RP1: variants seen among roughly 807,000 people sequenced by gnomAD.
The protein encoded by RP1 is oxygen-regulated protein 1.
Under a neutral mutation model 14.8 loss-of-function variants are expected in RP1, and 16 were observed. That is an observed-to-expected ratio of 1.08 (90% CI 0.73 to 1.65). The LOEUF is 1.65. RP1 is among the 40% of genes most tolerant of loss of function. The pLI is 0.00. For synonymous variants in RP1, 876 were observed against 883.6 expected, an observed-to-expected ratio of 0.99 and a Z score of 0.15; for missense variants, 2,631 against 2,535.0, an observed-to-expected ratio of 1.04 and a Z score of -0.81.
At chr8:54,786,049 AT>A (rs1432595039) in intron 24 of RP1, among the ~76,000 whole-genome samples, 1 of 152,110 alleles carries the variant, frequency 6.6e-6, no homozygotes, top group Non-Finnish European at 1.5e-5. Context: ...AAATAAAAAA[AT>A]ATGTTTTACA....
chr8:54,661,141 A>G (rs1257657558), intron 6 of RP1, among the ~76,000 whole-genome samples: 3 of 148,672 alleles, frequency 2.0e-5, no homozygotes, highest in African/African-American at 2.4e-5. Context: ...CCCCATCTCT[A>G]TTAAAAAATA....
chr8:54,724,682 T>G (rs1008633284), intron 16 of RP1, among the ~76,000 whole-genome samples: 1 of 152,186 alleles, frequency 6.6e-6, no homozygotes, highest in Non-Finnish European at 1.5e-5. Flanking sequence ...CTTTTGAACA[T>G]CTTTCTGTAA....
intron 28 of RP1, among the ~76,000 whole-genome samples, chr8:54,868,549 C>T (rs1812511315): frequency 6.6e-6 from 1 of 152,130 alleles, no homozygotes; most frequent in African/African-American, 2.4e-5. Context: ...ACACCTCAGA[C>T]CCATTAGTCA....
intron 16 of RP1, among the ~76,000 whole-genome samples, chr8:54,725,904 T>C (rs780542006): frequency 7.9e-5 from 12 of 152,214 alleles, no homozygotes; most frequent in Non-Finnish European, 1.6e-4. Flanking sequence ...AAGTAGCTAA[T>C]GTTTTCCATT....
intron 11 of RP1, chr8:54,679,673 C>A: frequency 1.3e-6 from 2 of 1,530,570 alleles, no homozygotes; most frequent in South Asian, 2.4e-5. Context: ...AAACAATGTT[C>A]AAATGACTAT....
At chr8:54,570,624 G>A (rs954709196) in intron 1 of RP1, among the ~76,000 whole-genome samples, 1 of 144,312 alleles carries the variant, frequency 6.9e-6, no homozygotes. Flanking sequence ...CACCGCACCA[G>A]ACCTAGGTAA....
chr8:54,870,978 C>T (rs1221290991), exon 29 of RP1: 1 of 151,966 alleles, frequency 6.6e-6, no homozygotes. Flanking sequence ...TTTTAGTATC[C>T]CATGAAATCA....
chr8:54,846,390 A>G (rs1660389069), intron 25 of RP1, among the ~76,000 whole-genome samples: 1 of 152,200 alleles, frequency 6.6e-6, no homozygotes, highest in Non-Finnish European at 1.5e-5. Context: ...TTCCTTCTCC[A>G]CAACTGATTA....
At chr8:54,565,316 G>A (rs1452879921) in intron 1 of RP1, among the ~76,000 whole-genome samples, 1 of 152,152 alleles carries the variant, frequency 6.6e-6, no homozygotes, top group African/African-American at 2.4e-5. Flanking sequence ...TGTAATCCCA[G>A]CACTTTGGGA....
chr8:54,621,110 C>A lies in RP1; in HGVS notation c.144C>A (p.Phe48Leu). 1 of 1,614,160 alleles carries A rather than the reference C, an allele frequency of 6.2e-7. No individual in the cohort carries two copies. The highest frequency in any genetic ancestry group is 8.5e-7 in the Non-Finnish European group (1 of 1,180,034). Residue 48 changes from phenylalanine (F) to leucine (L), a missense_variant, in exon 2 of 4, where the codon TTC (phenylalanine) becomes TTA (leucine). Transcript: ENST00000220676. ...TCTACAAGAGCGGAGACCCCCAATTCGGCGGGGTCAGGGTGGTGGTCAACC... is the reference window on the plus strand; with the variant it reads ...TCTACAAGAGCGGAGACCCCCAATTAGGCGGGGTCAGGGTGGTGGTCAACC... ...ISFYKSGDPQ[F>L]GGVRVVVNPR...
At position 54,857,034 on chromosome 8, in the gene RP1, A is replaced by AT. The variant is rs1007019164; in HGVS notation, c.4003dup (p.Ser1335PhefsTer3). On this transcript the variant is annotated frameshift_variant, in exon 27 of 29. Coordinates refer to the RP1 transcript ENST00000637698. LOFTEE classifies it high-confidence loss of function. ...TTATTTCTTTATTGTACAGGTTGAT[A>AT]TTTTTTCCATTAAGGCTGTATCTCT... 331 of 1,162,188 alleles carry AT rather than the reference A, an allele frequency of 2.8e-4. No individual in the cohort carries two copies. The highest frequency in any genetic ancestry group is 9.8e-4 in the Middle Eastern group (3 of 3,054). The allele number at this position is 1,162,188 out of a possible 1,614,324, so 72.0% of individuals were successfully genotyped here.
chr8:54,758,869 T>A, intron 21 of RP1: 2 of 1,511,800 alleles, frequency 1.3e-6, no homozygotes, highest in Non-Finnish European at 8.9e-7. Flanking sequence ...GCATTTGTCA[T>A]GCCTCGGACT....
chr8:54,809,788 T>C (rs1810944441), intron 24 of RP1, among the ~76,000 whole-genome samples: 1 of 152,242 alleles, frequency 6.6e-6, no homozygotes, highest in South Asian at 2.1e-4. Flanking sequence ...ACTTCAGCTA[T>C]ATTATTTAAG....
chr8:54,594,784 T>C (rs1268681904), intron 1 of RP1, among the ~76,000 whole-genome samples: 2 of 152,218 alleles, frequency 1.3e-5, no homozygotes, highest in South Asian at 2.1e-4. Context: ...TCATTAGAGA[T>C]ACATATGCTA....
Position 54,627,713 on chromosome 8 carries a change from T to G in RP1, c.3831T>G (p.Ser1277Arg), listed in dbSNP as rs1433561880. The change falls in exon 4 of 4, where the codon AGT (serine) becomes AGG (arginine). Residue 1277 changes from serine (S) to arginine (R), a missense_variant. By Grantham distance (110) the Ser-to-Arg change is moderately radical. Transcript: ENST00000220676. ...CTCCAAAAGAGACATGTAACCCCAG[T>G]GACACTTTTTTTCCTAGTGATGGTT... ...AYSPKETCNP[S>R]DTFFPSDGYG... 5.6e-6 allele frequency: 9 copies of G among 1,614,062 alleles called. No individual in the cohort carries two copies. The highest frequency in any genetic ancestry group is 2.7e-5 in the African/African-American group (2 of 74,944).
intron 24 of RP1, among the ~76,000 whole-genome samples, chr8:54,816,674 A>G (rs368565245): frequency 2.0e-5 from 3 of 152,248 alleles, no homozygotes; most frequent in African/African-American, 7.2e-5. Flanking sequence ...TTTTACTATT[A>G]CTTCCTTGCC....
intron 24 of RP1, among the ~76,000 whole-genome samples, chr8:54,807,662 CTATCTATCTATCT>C (rs1157278423): frequency 1.4e-3 from 80 of 55,828 alleles, no homozygotes; most frequent in African/African-American, 7.2e-3. Flanking sequence ...ATCTATCTAT[CTATCTATCTATCT>C]ATTTATCTAT....
At chr8:54,667,615 A>G (rs913952799) in intron 7 of RP1, among the ~76,000 whole-genome samples, 1 of 151,844 alleles carries the variant, frequency 6.6e-6, no homozygotes, top group African/African-American at 2.4e-5. Context: ...AGCTTTTTCT[A>G]CCTGTTTCGG....
chr8:54,688,067 G>A (rs1807610005), intron 12 of RP1, among the ~76,000 whole-genome samples: 1 of 152,194 alleles, frequency 6.6e-6, no homozygotes, highest in Non-Finnish European at 1.5e-5. Context: ...GACCAGTGAT[G>A]ATTAGCTTTT....
Sources: gnomAD v4.1 joint callset for allele counts (sites outside exome capture counted in the v4.1 genomes callset) on GRCh38, gnomAD v4.1.1 for gene constraint, MANE v1.5 for transcripts, NCBI Gene and HGNC (gene_info 2026-07-23, HGNC 2026-07-21) for gene names.